PHACTR1: variants seen among roughly 807,000 people sequenced by gnomAD.
The protein encoded by PHACTR1 is RPEL repeat containing 1.
In PHACTR1, 16 loss-of-function variants were observed where a neutral mutation model predicts 69.2. The ratio of observed to expected loss-of-function variants is 0.23; its 90% confidence interval spans 0.16 to 0.35. The LOEUF (loss-of-function observed/expected upper bound fraction) is 0.35, where lower values mean the gene tolerates loss of function less well. Ranked by LOEUF, PHACTR1 falls within the 10% of genes least tolerant of loss-of-function variation. PHACTR1 has a pLI of 1.00. For missense variants in PHACTR1, 510 were observed against 734.7 expected, an observed-to-expected ratio of 0.69 and a Z score of 3.54; for synonymous variants, 312 against 284.5, an observed-to-expected ratio of 1.10 and a Z score of -0.97.
At chr6:12,923,737 G>A (rs1304672916) in intron 4 of PHACTR1, among the ~76,000 whole-genome samples, 1 of 152,050 alleles carries the variant, frequency 6.6e-6, no homozygotes, top group African/African-American at 2.4e-5. Context: ...CACCAGATTT[G>A]CTCTTTCCCT....
intron 4 of PHACTR1, among the ~76,000 whole-genome samples, chr6:12,946,775 A>G (rs1278855009): frequency 1.3e-5 from 2 of 150,264 alleles, no homozygotes; most frequent in Non-Finnish European, 3.0e-5. Flanking sequence ...CAAAAGAAGC[A>G]TTACACATAC....
intron 4 of PHACTR1, among the ~76,000 whole-genome samples, chr6:12,944,937 C>T (rs1338396860): frequency 6.6e-6 from 1 of 151,992 alleles, no homozygotes; most frequent in Admixed American, 6.5e-5. Context: ...CACCCGCCAC[C>T]ACGCCTGGCT....
At chr6:13,270,263 G>T (rs367817478) in intron 10 of PHACTR1, among the ~76,000 whole-genome samples, 3 of 152,218 alleles carry the variant, frequency 2.0e-5, no homozygotes, top group South Asian at 4.1e-4. Flanking sequence ...TTGGGGGAGA[G>T]AGGCAGAGCT....
intron 5 of PHACTR1, among the ~76,000 whole-genome samples, chr6:13,095,375 G>A (rs1814018406): frequency 6.6e-6 from 1 of 152,196 alleles, no homozygotes; most frequent in South Asian, 2.1e-4. Context: ...GTAAATGGCA[G>A]CCTGCATCAC....
intron 4 of PHACTR1, among the ~76,000 whole-genome samples, chr6:12,981,519 G>A (rs1019135587): frequency 3.3e-5 from 5 of 152,198 alleles, no homozygotes; most frequent in East Asian, 1.9e-4. Flanking sequence ...TCGTGCTTAC[G>A]TAGGAAAAAT....
intron 4 of PHACTR1, among the ~76,000 whole-genome samples, chr6:12,921,780 C>CAGGGAGGGAGGGAAGAAGGAAGGG (rs1787727233): frequency 1.2e-5 from 1 of 83,558 alleles, no homozygotes; most frequent in African/African-American, 4.8e-5. Flanking sequence ...GGGAGAGAAA[C>CAGGGAGGGAGGGAAGAAGGAAGGG]AGGGAGGGAG....
chr6:13,038,498 A>G (rs1583075154), intron 4 of PHACTR1, among the ~76,000 whole-genome samples: 1 of 151,662 alleles, frequency 6.6e-6, no homozygotes, highest in Admixed American at 6.6e-5. Context: ...TAAAAAAAAA[A>G]AAAAAAAAAG....
At chr6:13,191,111 C>G (rs1763525539) in intron 7 of PHACTR1, among the ~76,000 whole-genome samples, 1 of 152,192 alleles carries the variant, frequency 6.6e-6, no homozygotes. Context: ...CCCTCCATGT[C>G]CTCCTCTCCA....
intron 4 of PHACTR1, among the ~76,000 whole-genome samples, chr6:13,043,204 A>T (rs1804463164): frequency 1.3e-5 from 2 of 152,202 alleles, no homozygotes; most frequent in Admixed American, 1.3e-4. Flanking sequence ...AGGTGGGTGG[A>T]TCACTTGAGG....
chr6:12,959,809 C>T (rs765799764), intron 4 of PHACTR1, among the ~76,000 whole-genome samples: 1 of 152,218 alleles, frequency 6.6e-6, no homozygotes, highest in Non-Finnish European at 1.5e-5. Flanking sequence ...CTCTAATTCT[C>T]TAAAATTTGC....
chr6:13,085,585 A>T, intron 5 of PHACTR1, among the ~76,000 whole-genome samples: 1 of 152,126 alleles, frequency 6.6e-6, no homozygotes, highest in East Asian at 1.9e-4. Flanking sequence ...TAGTCTTAAA[A>T]TATATACAGC....
intron 5 of PHACTR1, among the ~76,000 whole-genome samples, chr6:13,094,620 G>C (rs1300262487): frequency 6.6e-6 from 1 of 152,112 alleles, no homozygotes; most frequent in Non-Finnish European, 1.5e-5. Flanking sequence ...CTGGTTTAGA[G>C]AAGGAAACAG....
At chr6:12,941,628 T>C (rs1363381019) in intron 4 of PHACTR1, among the ~76,000 whole-genome samples, 1 of 151,978 alleles carries the variant, frequency 6.6e-6, no homozygotes, top group Non-Finnish European at 1.5e-5. Flanking sequence ...GAGCCAAACG[T>C]CCTTGAAGTG....
In PHACTR1 at chr6:12,860,697, T is replaced by C. The variant is rs567587792; in HGVS notation, c.250+110907T>C. 1.2e-4 allele frequency among the ~76,000 whole-genome samples: 18 copies of C among 152,346 alleles called. No individual in the cohort carries two copies. The East Asian group carries it at 3.5e-3, about 29-fold the overall frequency. On this transcript the variant is annotated intron_variant, in intron 4 of 14. Transcript: ENST00000332995. ...TTTTAATGATCGCCATTCTAACTGG[T>C]ATGAGATGGTATCTCATTGTGGTTT...
chr6:12,931,003 C>CAAAA (rs34965562), intron 4 of PHACTR1, among the ~76,000 whole-genome samples: 257 of 85,042 alleles, frequency 3.0e-3, no homozygotes, highest in Non-Finnish European at 4.4e-3. Flanking sequence ...AACTCTGTCT[C>CAAAA]AAAAAAAAAA....
intron 4 of PHACTR1, among the ~76,000 whole-genome samples, chr6:12,821,146 A>C (rs2127712046): frequency 6.6e-6 from 1 of 152,228 alleles, no homozygotes; most frequent in Non-Finnish European, 1.5e-5. Context: ...CAATACTCAA[A>C]TATAAAGAAG....
At chr6:13,199,411 A>G (rs910885219) in intron 7 of PHACTR1, among the ~76,000 whole-genome samples, 6 of 121,178 alleles carry the variant, frequency 5.0e-5, no homozygotes, top group Admixed American at 1.7e-4. Flanking sequence ...AAAAAAAAAA[A>G]ACATTGGCAT....
At chr6:12,965,592 G>A (rs1353571103) in intron 4 of PHACTR1, among the ~76,000 whole-genome samples, 1 of 152,034 alleles carries the variant, frequency 6.6e-6, no homozygotes, top group East Asian at 1.9e-4. Context: ...AACATACAGT[G>A]AGCGTGGCTC....
intron 6 of PHACTR1, among the ~76,000 whole-genome samples, chr6:13,174,863 T>G (rs1024055353): frequency 1.3e-5 from 2 of 152,182 alleles, no homozygotes; most frequent in Non-Finnish European, 1.5e-5. Flanking sequence ...ACTAACTTCA[T>G]AGGATGGATG....
Sources: gnomAD v4.1 joint callset for allele counts (sites outside exome capture counted in the v4.1 genomes callset) on GRCh38, gnomAD v4.1.1 for gene constraint, MANE v1.5 for transcripts, NCBI Gene and HGNC (gene_info 2026-07-23, HGNC 2026-07-21) for gene names.